The following CFAP210 variants were observed in gnomAD, a reference collection of about 807,000 sequenced individuals.
CFAP210 encodes the protein cilia and flagella associated protein 210, also known as cilia- and flagella- associated protein 210.
chr2:169,652,239 T>C, the CFAP210 span, among the ~76,000 whole-genome samples: 1 of 152,174 alleles, frequency 6.6e-6, no homozygotes, highest in Non-Finnish European at 1.5e-5. Flanking sequence ...TGCAAATGTC[T>C]TTATAGTTAT....
chr2:169,646,158 G>C, the CFAP210 span: 1 of 1,611,368 alleles, frequency 6.2e-7, no homozygotes, highest in Non-Finnish European at 8.5e-7. Flanking sequence ...TGTTTTGCTT[G>C]CTTTGCATTA....
the CFAP210 span, among the ~76,000 whole-genome samples, chr2:169,676,916 G>C: frequency 1.3e-5 from 2 of 152,138 alleles, no homozygotes; most frequent in Non-Finnish European, 2.9e-5. Flanking sequence ...AGGAAAGTAG[G>C]GTGGAGGGAG....
the CFAP210 span, among the ~76,000 whole-genome samples, chr2:169,688,065 A>G: frequency 6.6e-6 from 1 of 152,216 alleles, no homozygotes; most frequent in Non-Finnish European, 1.5e-5. Context: ...TGGCTGGAGC[A>G]GCTGGGACAC....
At chr2:169,674,626 T>C in the CFAP210 span, 28 of 1,610,038 alleles carry the variant, frequency 1.7e-5, no homozygotes, top group African/African-American at 5.4e-5. Context: ...GTCGTTTTTC[T>C]GCTTTTTCTT....
At chr2:169,652,724 A>G in the CFAP210 span, among the ~76,000 whole-genome samples, 28 of 151,966 alleles carry the variant, frequency 1.8e-4, no homozygotes, top group African/African-American at 6.3e-4. Context: ...AGCCGGGCGC[A>G]GTGGCTCACG....
the CFAP210 span, among the ~76,000 whole-genome samples, chr2:169,684,453 A>AT: frequency 6.6e-6 from 1 of 152,230 alleles, no homozygotes; most frequent in South Asian, 2.1e-4. Flanking sequence ...CTCTGTATGC[A>AT]TTAGCAGTCC....
chr2:169,670,425 C>T, the CFAP210 span, among the ~76,000 whole-genome samples: 1 of 152,158 alleles, frequency 6.6e-6, no homozygotes, highest in South Asian at 2.1e-4. Flanking sequence ...GGCACAGGGC[C>T]AGCAGCTGTG....
the CFAP210 span, among the ~76,000 whole-genome samples, chr2:169,688,600 A>G: frequency 6.6e-6 from 1 of 152,232 alleles, no homozygotes; most frequent in African/African-American, 2.4e-5. Context: ...TCTAGGGCAG[A>G]GGTAAAATGA....
chr2:169,685,660 T>C, the CFAP210 span, among the ~76,000 whole-genome samples: 1 of 148,162 alleles, frequency 6.7e-6, no homozygotes. Context: ...TTTGGTGTCA[T>C]ATCTAAGAAA....
the CFAP210 span, chr2:169,662,257 G>A: frequency 1.3e-6 from 2 of 1,584,330 alleles, no homozygotes; most frequent in Non-Finnish European, 1.7e-6. Flanking sequence ...AACCTTTTTG[G>A]AACTTTTGCC....
At chr2:169,675,066 T>G in the CFAP210 span, 1 of 1,413,582 alleles carries the variant, frequency 7.1e-7, no homozygotes, top group Non-Finnish European at 9.2e-7. Context: ...CACAATTTTT[T>G]GTTTTCATTT....
chr2:169,647,446 T>G, the CFAP210 span, among the ~76,000 whole-genome samples: 1 of 152,054 alleles, frequency 6.6e-6, no homozygotes, highest in African/African-American at 2.4e-5. Context: ...AAGTTTAAAA[T>G]CCTAAAAAAC....
the CFAP210 span, among the ~76,000 whole-genome samples, chr2:169,657,378 TAAAGAC>T: frequency 5.3e-5 from 8 of 151,746 alleles, no homozygotes; most frequent in African/African-American, 1.2e-4. Context: ...GCACCAGAGA[TAAAGAC>T]AGGACCCTAA....
At chr2:169,671,555 G>A in the CFAP210 span, among the ~76,000 whole-genome samples, 1 of 152,108 alleles carries the variant, frequency 6.6e-6, no homozygotes, top group Non-Finnish European at 1.5e-5. Context: ...TTCAACCTTC[G>A]CCTCCCAGGT....
At chr2:169,664,085 G>A in the CFAP210 span, among the ~76,000 whole-genome samples, 1 of 151,274 alleles carries the variant, frequency 6.6e-6, no homozygotes, top group African/African-American at 2.4e-5. Flanking sequence ...TGTAGACCCA[G>A]CTACTTGGGA....
chr2:169,681,047 C>T, the CFAP210 span: 41 of 1,613,712 alleles, frequency 2.5e-5, no homozygotes, highest in Non-Finnish European at 3.3e-5. Flanking sequence ...TTCTTGAGAT[C>T]GCAAATGCAT....
At chr2:169,682,367 T>C in the CFAP210 span, among the ~76,000 whole-genome samples, 1 of 152,168 alleles carries the variant, frequency 6.6e-6, no homozygotes, top group East Asian at 1.9e-4. Context: ...ACCGGCTTTG[T>C]GTAGGCATCT....
chr2:169,645,685 G>A, the CFAP210 span: 1 of 592,206 alleles, frequency 1.7e-6, no homozygotes, highest in Non-Finnish European at 2.9e-6. Flanking sequence ...CAAAATTGGG[G>A]TTTTATATAT....
chr2:169,655,757 C>T, the CFAP210 span, among the ~76,000 whole-genome samples: 1 of 152,106 alleles, frequency 6.6e-6, no homozygotes, highest in Admixed American at 6.5e-5. Flanking sequence ...AATTATTCCA[C>T]CCCTTAACCA....
Sources: gnomAD v4.1 joint callset for allele counts (sites outside exome capture counted in the v4.1 genomes callset) on GRCh38, gnomAD v4.1.1 for gene constraint, MANE v1.5 for transcripts, NCBI Gene and HGNC (gene_info 2026-07-23, HGNC 2026-07-21) for gene names.